The following FBXL20 variants were observed in gnomAD, a reference collection of about 807,000 sequenced individuals.
FBXL20 encodes the protein F-box and leucine rich repeat protein 20, also known as F-box/LRR-repeat protein 20.
A neutral mutation model predicts 64.0 loss-of-function variants in FBXL20; 11 were observed. The ratio of observed to expected loss-of-function variants is 0.17; its 90% CI spans 0.11 to 0.28. The LOEUF is 0.28. Among genes scored for constraint, FBXL20 ranks in the 10% least tolerant of loss-of-function variants. FBXL20 has a pLI of 1.00. For missense variants in FBXL20, 303 were observed against 526.2 expected, an observed-to-expected ratio of 0.58 and a Z score of 4.15; for synonymous variants, 184 against 189.0, an observed-to-expected ratio of 0.97 and a Z score of 0.22.
rs1480618752 is a variant in FBXL20 at position 39,364,677 on chromosome 17, G to C, written c.43-21436C>G. Among the ~76,000 whole-genome samples the C allele has an allele frequency of 4.6e-5, 7 of 152,280 alleles. No individual in the cohort carries two copies. In the East Asian group the frequency reaches 7.7e-4, roughly 17 times the overall value. ...TGATTTCCCAGGCTAGGACTTAAGA[G>C]ACAATAAAGCTTTACCCTCTTGACA... On this transcript the variant is annotated intron_variant, in intron 1 of 14. Transcript: ENST00000264658.
chr17:39,376,663 C>T (rs4511574), intron 1 of FBXL20, among the ~76,000 whole-genome samples: 56,286 of 152,034 alleles, frequency 0.37, 13,136 homozygotes, highest in African/African-American at 0.66. Flanking sequence ...GGAGAATTTG[C>T]GGTTCTAGGT....
chr17:39,326,647 T>G (rs2047412135), intron 2 of FBXL20, among the ~76,000 whole-genome samples: 1 of 151,462 alleles, frequency 6.6e-6, no homozygotes, highest in African/African-American at 2.4e-5. Context: ...AGATGGAGTC[T>G]TGCTCTGTCA....
At chr17:39,285,403 C>T (rs2046980069) in intron 7 of FBXL20, 75 bp downstream of exon 7, 2 of 990,922 alleles carry the variant, frequency 2.0e-6, no homozygotes, top group African/African-American at 3.3e-5. Context: ...CTTCAATTCC[C>T]ACTTTATATC....
chr17:39,393,788 TTTAC>T (rs1317194028), intron 1 of FBXL20, among the ~76,000 whole-genome samples: 4 of 152,192 alleles, frequency 2.6e-5, no homozygotes, highest in Non-Finnish European at 5.9e-5. Context: ...AATAAAATCA[TTTAC>T]TTTAAGAGAA....
rs995689904 is a variant in FBXL20 at position 39,262,896 on chromosome 17, G to A, written c.1203+1279C>T. On this transcript the variant is annotated intron_variant, in intron 14 of 14. Coordinates refer to ENST00000264658, the MANE Select transcript of FBXL20 (RefSeq NM_032875.3). ...ATGCACCTGTAGTCCCAGCTACTGG[G>A]GAGGCTGAGTCAGGAGAATAGCGTG... Among the ~76,000 whole-genome samples the A allele has an allele frequency of 2.0e-5, 3 of 151,996 alleles. No homozygotes were observed. The East Asian group carries it at 5.8e-4, about 30-fold the overall frequency.
intron 1 of FBXL20, among the ~76,000 whole-genome samples, chr17:39,395,150 C>T (rs1027528757): frequency 4.6e-5 from 7 of 152,082 alleles, no homozygotes; most frequent in Non-Finnish European, 1.0e-4. Context: ...CTAGGCCGGG[C>T]GTGGTGGCTC....
intron 2 of FBXL20, among the ~76,000 whole-genome samples, chr17:39,311,591 C>A (rs1725623024): frequency 6.6e-6 from 1 of 152,058 alleles, no homozygotes; most frequent in Non-Finnish European, 1.5e-5. Context: ...AACTCCACTC[C>A]CAAATAAACA....
Position 39,273,838 on chromosome 17 carries a change from C to T in FBXL20, c.827+1132G>A, listed in dbSNP as rs561329424. ...CTGTTTCAGAAAAAAAAAAAAAAGG[C>T]GATAATAGTGCTTATATGGTGCTAT... On this transcript the variant is annotated intron_variant, in intron 10 of 14. Transcript: ENST00000264658. Among the ~76,000 whole-genome samples, 6 of 137,098 alleles carry T rather than the reference C, an allele frequency of 4.4e-5. No homozygotes were observed. In the East Asian group the frequency reaches 8.7e-4, roughly 20 times the overall value. 89.9% of individuals were successfully genotyped at this position (137,098 alleles called of 152,430 possible).
At chr17:39,344,170 G>A (rs887408884) in intron 1 of FBXL20, among the ~76,000 whole-genome samples, 6 of 152,004 alleles carry the variant, frequency 3.9e-5, no homozygotes, top group East Asian at 1.9e-4. Context: ...CCAACATGGC[G>A]GAACTCTGTC....
At chr17:39,401,261 C>A in intron 1 of FBXL20, 100 bp downstream of exon 1, 1 of 1,592,628 alleles carries the variant, frequency 6.3e-7, no homozygotes. Context: ...GGGTGGGTGA[C>A]GGCGCCTGCC....
Position 39,388,629 on chromosome 17 carries a change from G to A in FBXL20, c.42+12732C>T, listed in dbSNP as rs1017321868. ...CTCCCGAGTAGCTGGGACAACAGGC[G>A]CCCGCCACCATGCCCAGCTAATTTT... On this transcript the variant is annotated intron_variant, in intron 1 of 14. Coordinates refer to ENST00000264658, the MANE Select transcript of FBXL20 (RefSeq NM_032875.3). Among the ~76,000 whole-genome samples the A allele has an allele frequency of 5.3e-5, 8 of 150,934 alleles. No individual in the cohort carries two copies. The South Asian group carries it at 1.3e-3, about 24-fold the overall frequency.
intron 9 of FBXL20, among the ~76,000 whole-genome samples, chr17:39,275,572 C>T (rs946108017): frequency 6.6e-6 from 1 of 151,756 alleles, no homozygotes; most frequent in African/African-American, 2.4e-5. Flanking sequence ...CCACCATGTC[C>T]GGCAATTTTT....
chr17:39,295,659 AATTC>A (rs2047077259), intron 6 of FBXL20, among the ~76,000 whole-genome samples: 1 of 152,060 alleles, frequency 6.6e-6, no homozygotes. Flanking sequence ...GATAAAACAT[AATTC>A]AGAGTTCTCC....
At chr17:39,272,701 C>CAAAAAAAAA (rs56138431) in intron 10 of FBXL20, among the ~76,000 whole-genome samples, 3 of 98,868 alleles carry the variant, frequency 3.0e-5, no homozygotes, top group Non-Finnish European at 2.1e-5. Context: ...AACTCTATCT[C>CAAAAAAAAA]AAAAAAAAAA....
At chr17:39,326,268 C>T (rs957734040) in intron 2 of FBXL20, among the ~76,000 whole-genome samples, 2 of 151,574 alleles carry the variant, frequency 1.3e-5, no homozygotes, top group African/African-American at 2.4e-5. Context: ...GCAATGCAAA[C>T]GGACTGACAC....
chr17:39,368,426 A>G (rs1380154749), intron 1 of FBXL20, among the ~76,000 whole-genome samples: 1 of 152,122 alleles, frequency 6.6e-6, no homozygotes, highest in Non-Finnish European at 1.5e-5. Flanking sequence ...AATGAAAAAG[A>G]AAGACATTTC....
At chr17:39,355,523 A>G (rs1322158119) in intron 1 of FBXL20, among the ~76,000 whole-genome samples, 3 of 151,956 alleles carry the variant, frequency 2.0e-5, no homozygotes, top group Admixed American at 1.3e-4. Context: ...GATAAACTGC[A>G]ATTTTTTTCT....
chr17:39,339,601 G>C (rs2047562283), intron 2 of FBXL20, among the ~76,000 whole-genome samples: 1 of 151,998 alleles, frequency 6.6e-6, no homozygotes, highest in African/African-American at 2.4e-5. Flanking sequence ...GCCAAAAAAA[G>C]AATACTACCG....
At chr17:39,297,089 G>C in intron 6 of FBXL20, 38 bp downstream of exon 6, 1 of 1,456,250 alleles carries the variant, frequency 6.9e-7, no homozygotes, top group Non-Finnish European at 9.6e-7. Context: ...CAGACATAAG[G>C]GGTTATGACT....
Sources: allele counts gnomAD v4.1 joint callset (sites outside exome capture counted in the v4.1 genomes callset), GRCh38; gene constraint gnomAD v4.1.1; transcripts MANE v1.5; gene names NCBI Gene and HGNC (gene_info 2026-07-23, HGNC 2026-07-21).